Variants in SOX6 observed in about 807,000 individuals in gnomAD.
The protein encoded by SOX6 is SRY-box transcription factor 6.
A neutral mutation model predicts 97.8 loss-of-function variants in SOX6; 11 were observed. That is an observed-to-expected ratio of 0.11 (90% CI 0.07 to 0.19). SOX6 has a LOEUF of 0.19. Among genes scored for constraint, SOX6 ranks in the 10% least tolerant of loss-of-function variants. The pLI is 1.00. For synonymous variants in SOX6, 360 were observed against 371.4 expected, an observed-to-expected ratio of 0.97 and a Z score of 0.35; for missense variants, 810 against 1,039.5, an observed-to-expected ratio of 0.78 and a Z score of 3.04.
intron 1 of SOX6, among the ~76,000 whole-genome samples, chr11:16,410,984 GAAA>G (rs201866562): frequency 7.7e-6 from 1 of 130,194 alleles, no homozygotes; most frequent in Non-Finnish European, 1.7e-5. Flanking sequence ...GTGAGTGACT[GAAA>G]AAAAAAAAAA....
intron 4 of SOX6, among the ~76,000 whole-genome samples, chr11:16,518,929 T>TA (rs1861015333): frequency 6.6e-6 from 1 of 152,150 alleles, no homozygotes; most frequent in African/African-American, 2.4e-5. Flanking sequence ...CATAAGTCAT[T>TA]ATCCTTCAAA....
At chr11:16,706,581 G>T (rs1478620194) in intron 3 of SOX6, among the ~76,000 whole-genome samples, 1 of 135,180 alleles carries the variant, frequency 7.4e-6, no homozygotes, top group Non-Finnish European at 1.5e-5. Context: ...GTGGAAAAAA[G>T]GGCCCAGCAA....
chr11:16,049,885 C>T lies in SOX6; in HGVS notation c.1305G>A (p.Glu435=). 1.2e-6 allele frequency: 2 copies of T among 1,613,688 alleles called. No individual in the cohort carries two copies. The highest frequency in any genetic ancestry group is 2.2e-5 in the South Asian group (2 of 91,058). The part of the protein sequence containing the change: ...LNLSSRPKTA[E]PVKSPTSPTQ... ...TGGGAGACGTTGGGGACTTTACAGG[C>T]TCTGCTGTCTTGGGTCGGGATGAGA... The change falls in exon 11 of 16, where the codon GAG becomes GAA. Residue 435 remains glutamate (E), a synonymous_variant. Coordinates refer to ENST00000683767, the MANE Select transcript of SOX6 (RefSeq NM_001367873.1).
At chr11:16,343,111 A>G (rs1006986172) in intron 1 of SOX6, among the ~76,000 whole-genome samples, 7 of 151,622 alleles carry the variant, frequency 4.6e-5, no homozygotes, top group African/African-American at 1.4e-4. Context: ...GCTTCTTAGT[A>G]TAAGAGAATT....
intron 12 of SOX6, among the ~76,000 whole-genome samples, chr11:16,017,196 C>T (rs1854911162): frequency 6.6e-6 from 1 of 151,856 alleles, no homozygotes; most frequent in Admixed American, 6.6e-5. Context: ...TTAATCATAA[C>T]AAAAAACATT....
At chr11:16,347,191 T>A (rs1255371254) in intron 1 of SOX6, among the ~76,000 whole-genome samples, 1 of 152,098 alleles carries the variant, frequency 6.6e-6, no homozygotes, top group Non-Finnish European at 1.5e-5. Context: ...GCTGACTGAC[T>A]GCCTATGGAA....
At chr11:16,672,511 G>A (rs897412526) in intron 3 of SOX6, among the ~76,000 whole-genome samples, 8 of 152,208 alleles carry the variant, frequency 5.3e-5, no homozygotes, top group African/African-American at 1.9e-4. Flanking sequence ...GCAAGGAGGA[G>A]CAAGTAACAT....
chr11:15,988,339 T>C (rs1310240962), intron 14 of SOX6, among the ~76,000 whole-genome samples: 1 of 152,216 alleles, frequency 6.6e-6, no homozygotes, highest in Non-Finnish European at 1.5e-5. Context: ...TCCTGAGAAA[T>C]AGAGAATCAC....
At chr11:16,413,247 A>G (rs1353211612) in intron 1 of SOX6, among the ~76,000 whole-genome samples, 1 of 152,208 alleles carries the variant, frequency 6.6e-6, no homozygotes, top group Non-Finnish European at 1.5e-5. Flanking sequence ...GAATAAAAGT[A>G]TTCTTCATTC....
chr11:16,534,268 T>C (rs1253558845), intron 4 of SOX6, among the ~76,000 whole-genome samples: 1 of 152,086 alleles, frequency 6.6e-6, no homozygotes, highest in Non-Finnish European at 1.5e-5. Flanking sequence ...GGCCTGCATA[T>C]CACAGAACCT....
intron 3 of SOX6, among the ~76,000 whole-genome samples, chr11:16,240,682 C>T (rs1011468419): frequency 6.6e-6 from 1 of 151,898 alleles, no homozygotes; most frequent in African/African-American, 2.4e-5. Flanking sequence ...TTATCAATGC[C>T]AATCTAGAAA....
At chr11:16,705,797 T>G (rs1848127872) in intron 3 of SOX6, among the ~76,000 whole-genome samples, 1 of 152,178 alleles carries the variant, frequency 6.6e-6, no homozygotes. Context: ...AAGATGTTAA[T>G]TGTAATCTCC....
At chr11:16,453,299 T>C (rs979071080) in intron 1 of SOX6, among the ~76,000 whole-genome samples, 6 of 152,122 alleles carry the variant, frequency 3.9e-5, no homozygotes, top group Admixed American at 1.3e-4. Context: ...AAAGGCTATA[T>C]ATGTTATTAT....
chr11:16,342,817 T>C (rs1650222192), intron 1 of SOX6, among the ~76,000 whole-genome samples: 1 of 151,816 alleles, frequency 6.6e-6, no homozygotes, highest in African/African-American at 2.4e-5. Context: ...AAAATAAAAG[T>C]ATTACAGGCT....
chr11:16,024,202 G>T (rs1458401242), intron 12 of SOX6, among the ~76,000 whole-genome samples: 1 of 152,116 alleles, frequency 6.6e-6, no homozygotes, highest in Non-Finnish European at 1.5e-5. Context: ...AAGCCAAAGA[G>T]AGAGGCTTCA....
At chr11:16,706,044 A>C (rs1363326010) in intron 3 of SOX6, among the ~76,000 whole-genome samples, 5 of 152,064 alleles carry the variant, frequency 3.3e-5, no homozygotes, top group Non-Finnish European at 2.9e-5. Context: ...AAATTTACAG[A>C]ATGAAGAATT....
chr11:15,977,563 T>C (rs61292713), intron 15 of SOX6, among the ~76,000 whole-genome samples: 15,166 of 151,650 alleles, frequency 0.1, 2,440 homozygotes, highest in African/African-American at 0.34. Context: ...TCCAATTCCA[T>C]GGTTACTCAC....
At chr11:16,377,590 C>T (rs1857677281) in intron 1 of SOX6, among the ~76,000 whole-genome samples, 1 of 152,118 alleles carries the variant, frequency 6.6e-6, no homozygotes, top group Non-Finnish European at 1.5e-5. Context: ...AAAACATCCA[C>T]TTGAAGACAT....
chr11:16,123,023 G>T (rs1217579076), intron 6 of SOX6, among the ~76,000 whole-genome samples: 6 of 151,886 alleles, frequency 4.0e-5, no homozygotes, highest in Non-Finnish European at 5.9e-5. Flanking sequence ...TATAAAAATT[G>T]ACTTTATTAA....
Sources: gnomAD v4.1 joint callset for allele counts (sites outside exome capture counted in the v4.1 genomes callset) on GRCh38, gnomAD v4.1.1 for gene constraint, MANE v1.5 for transcripts, NCBI Gene and HGNC (gene_info 2026-07-23, HGNC 2026-07-21) for gene names.